The following BMP5 variants were observed in gnomAD, a reference collection of about 807,000 sequenced individuals.
BMP5 encodes bone morphogenetic protein 5.
In BMP5, 23 loss-of-function variants were observed where a neutral mutation model predicts 46.6. That is an observed-to-expected ratio of 0.49 (90% CI 0.35 to 0.70). The LOEUF is 0.70. Among genes scored for constraint, BMP5 ranks in the 30% least tolerant of loss-of-function variants. The pLI is 0.00. For missense variants in BMP5, 545 were observed against 565.6 expected, an observed-to-expected ratio of 0.96 and a Z score of 0.37; for synonymous variants, 204 against 191.9, an observed-to-expected ratio of 1.06 and a Z score of -0.52.
intron 1 of BMP5, among the ~76,000 whole-genome samples, chr6:55,863,747 C>A (rs1242996934): frequency 6.6e-6 from 1 of 152,142 alleles, no homozygotes; most frequent in Non-Finnish European, 1.5e-5. Flanking sequence ...TCATAGCCAT[C>A]ATAATGTAGC....
intron 5 of BMP5, 97 bp from the exon 6 acceptor site, chr6:55,759,212 A>C: frequency 1.3e-6 from 1 of 752,590 alleles, no homozygotes; most frequent in East Asian, 2.8e-5. Context: ...CCAAAGTAAA[A>C]ATTTTTAAAA....
At chr6:55,854,360 A>G (rs958983054) in intron 1 of BMP5, among the ~76,000 whole-genome samples, 9 of 152,080 alleles carry the variant, frequency 5.9e-5, no homozygotes, top group African/African-American at 2.2e-4. Flanking sequence ...ATAATTGACC[A>G]AGATGTTGAT....
intron 3 of BMP5, among the ~76,000 whole-genome samples, chr6:55,788,303 G>A (rs533167545): frequency 6.6e-6 from 1 of 151,402 alleles, no homozygotes; most frequent in African/African-American, 2.4e-5. Flanking sequence ...AACAAAATGG[G>A]TTCATTTCTA....
At chr6:55,808,641 G>A (rs1005949181) in intron 2 of BMP5, among the ~76,000 whole-genome samples, 1 of 152,194 alleles carries the variant, frequency 6.6e-6, no homozygotes, top group African/African-American at 2.4e-5. Context: ...GGGCTGCACA[G>A]TTCCATGGAA....
At chr6:55,859,642 G>A (rs1180609397) in intron 1 of BMP5, among the ~76,000 whole-genome samples, 3 of 152,050 alleles carry the variant, frequency 2.0e-5, no homozygotes, top group Non-Finnish European at 2.9e-5. Context: ...ACAATAATTG[G>A]CTCTAGATAA....
intron 4 of BMP5, among the ~76,000 whole-genome samples, chr6:55,763,308 C>T (rs908288003): frequency 4.0e-5 from 6 of 151,790 alleles, no homozygotes; most frequent in African/African-American, 1.5e-4. Flanking sequence ...ATATCTGTTC[C>T]ATATATATGT....
intron 3 of BMP5, among the ~76,000 whole-genome samples, chr6:55,775,912 A>G (rs1255821349): frequency 1.3e-5 from 2 of 149,636 alleles, no homozygotes; most frequent in Non-Finnish European, 3.0e-5. Context: ...ATGTGGAGGT[A>G]TTGGTTGAAA....
chr6:55,760,007 T>C (rs1248640115), intron 5 of BMP5, among the ~76,000 whole-genome samples: 1 of 151,848 alleles, frequency 6.6e-6, no homozygotes, highest in African/African-American at 2.4e-5. Flanking sequence ...ATCCTGTTTC[T>C]AAAGGCTACC....
At chr6:55,794,849 A>C (rs1054730370) in intron 2 of BMP5, among the ~76,000 whole-genome samples, 1 of 152,174 alleles carries the variant, frequency 6.6e-6, no homozygotes, top group Non-Finnish European at 1.5e-5. Flanking sequence ...CACAGGCAGG[A>C]TGTAATGCAA....
In BMP5 at chr6:55,754,280, AAAAT is replaced by A. The variant is rs1016214216; in HGVS notation, c.*1249_*1252del. 6.6e-6 allele frequency: 1 copy of A among 150,498 alleles called. No individual in the cohort carries two copies. The highest frequency in any genetic ancestry group is 2.5e-5 in the African/African-American group (1 of 40,792). The allele number at this position is 150,498 out of a possible 1,614,324, so 9.3% of individuals were successfully genotyped here. On this transcript the variant is annotated 3_prime_UTR_variant, in exon 7 of 7. Transcript: ENST00000370830. ...TTAGAGGGCATTCTAATAGATAGAG[AAAAT>A]AAATTAATTTTAGAGGGAAGAACAC...
intron 2 of BMP5, among the ~76,000 whole-genome samples, chr6:55,798,813 G>T (rs77902628): frequency 6.6e-6 from 1 of 152,152 alleles, no homozygotes; most frequent in Non-Finnish European, 1.5e-5. Context: ...TGGTATGTTT[G>T]TGTATATTTA....
At chr6:55,849,445 C>G (rs1777172082) in intron 1 of BMP5, among the ~76,000 whole-genome samples, 1 of 151,960 alleles carries the variant, frequency 6.6e-6, no homozygotes, top group East Asian at 1.9e-4. Flanking sequence ...CTCTGAAAAA[C>G]TGGCAATTTA....
rs749877663 is a variant in BMP5, at chr6:55,874,683, C to T, written c.183G>A (p.Leu61=). The T allele has an allele frequency of 5.0e-6, 8 of 1,613,448 alleles. No homozygotes were observed. In the African/African-American group the frequency reaches 9.4e-5, roughly 19 times the overall value. The change falls in exon 1 of 7, where the codon TTG becomes TTA. Residue 61 remains leucine, a synonymous_variant. Coordinates refer to ENST00000370830, the MANE Select transcript of BMP5 (RefSeq NM_021073.4). ...IQREILSILG[L]PHRPRPFSPG... ...GTGAAAATGGTCTGGGTCTGTGAGG[C>T]AAACCCAAGATAGAGAGAATTTCCC... is the stretch of plus-strand genomic sequence containing the variant.
At chr6:55,787,237 A>C (rs1443318334) in intron 3 of BMP5, among the ~76,000 whole-genome samples, 1 of 151,636 alleles carries the variant, frequency 6.6e-6, no homozygotes, top group Non-Finnish European at 1.5e-5. Flanking sequence ...AGAATAACAC[A>C]ACAAACTTAG....
Position 55,874,976 on chromosome 6 carries a change from T to G in BMP5, c.-111A>C. 1 of 1,287,370 alleles carries G rather than the reference T, an allele frequency of 7.8e-7. No homozygotes were observed. The highest frequency in any genetic ancestry group is 1.1e-6 in the Non-Finnish European group (1 of 923,000). The allele number at this position is 1,287,370 out of a possible 1,614,324, so 79.7% of individuals were successfully genotyped here. A position where few individuals can be genotyped will look rare whatever the true frequency, so the allele number is the denominator to read the frequency against. On this transcript the variant is annotated 5_prime_UTR_variant, in exon 1 of 7. An upstream open reading frame in the 5' UTR loses its in-frame stop. Transcript: ENST00000370830. ...TTCCCAGTAGCTGAAAAAACAAATT[T>G]ACCTATTTTTCATGACAGTGACATT...
chr6:55,819,876 A>G (rs1219682205), intron 1 of BMP5, 29 bp from the exon 2 acceptor site: 1 of 1,552,776 alleles, frequency 6.4e-7, no homozygotes, highest in Non-Finnish European at 8.9e-7. Context: ...TTGAGGGGGA[A>G]AAAAGTTAGT....
At chr6:55,795,269 G>T (rs1307336097) in intron 2 of BMP5, among the ~76,000 whole-genome samples, 1 of 152,030 alleles carries the variant, frequency 6.6e-6, no homozygotes, top group Non-Finnish European at 1.5e-5. Context: ...CTTTACAACA[G>T]CTCCTTAGTA....
intron 1 of BMP5, among the ~76,000 whole-genome samples, chr6:55,840,778 T>A (rs185585005): frequency 6.6e-6 from 1 of 152,336 alleles, no homozygotes; most frequent in East Asian, 1.9e-4. Flanking sequence ...TCTTTTTTCC[T>A]TTGGCTGCAT....
intron 1 of BMP5, among the ~76,000 whole-genome samples, chr6:55,871,732 T>G (rs1449257582): frequency 6.6e-6 from 1 of 151,828 alleles, no homozygotes; most frequent in African/African-American, 2.4e-5. Flanking sequence ...TTATTTGACT[T>G]GAAAAGGACA....
Sources: allele counts gnomAD v4.1 joint callset (sites outside exome capture counted in the v4.1 genomes callset), GRCh38; gene constraint gnomAD v4.1.1; transcripts MANE v1.5; gene names NCBI Gene and HGNC (gene_info 2026-07-23, HGNC 2026-07-21).